The following CDK8 variants were observed in gnomAD, a reference collection of about 807,000 sequenced individuals.
CDK8 encodes the protein cyclin-dependent kinase 8.
Under a neutral mutation model 71.5 loss-of-function variants are expected in CDK8, and 29 were observed. That is an observed-to-expected ratio of 0.41 (90% CI 0.30 to 0.55). CDK8 has a LOEUF of 0.55. Ranked by LOEUF, CDK8 falls within the 20% of genes least tolerant of loss-of-function variation. The pLI is 0.37. For missense variants in CDK8, 288 were observed against 572.6 expected, an observed-to-expected ratio of 0.50 and a Z score of 5.07; for synonymous variants, 161 against 192.1, an observed-to-expected ratio of 0.84 and a Z score of 1.34.
chr13:26,293,833 T>C (rs990658793), intron 1 of CDK8, among the ~76,000 whole-genome samples: 1 of 152,172 alleles, frequency 6.6e-6, no homozygotes, highest in African/African-American at 2.4e-5. Flanking sequence ...ATACGTTTAC[T>C]GTAGTCCATT....
chr13:26,360,063 T>C (rs1226459146), intron 4 of CDK8, among the ~76,000 whole-genome samples: 1 of 152,216 alleles, frequency 6.6e-6, no homozygotes, highest in African/African-American at 2.4e-5. Flanking sequence ...AAACTATTTT[T>C]TATAAAACTT....
chr13:26,282,113 A>G (rs1366369591), intron 1 of CDK8, among the ~76,000 whole-genome samples: 1 of 152,114 alleles, frequency 6.6e-6, no homozygotes, highest in Non-Finnish European at 1.5e-5. Context: ...CCTGAGGAAG[A>G]TGAGAAATAT....
intron 1 of CDK8, among the ~76,000 whole-genome samples, chr13:26,275,014 T>G (rs180798103): frequency 3.0e-4 from 45 of 152,282 alleles, no homozygotes; most frequent in Non-Finnish European, 3.4e-4. Context: ...TAACTTTAAT[T>G]TTTCTACTCC....
chr13:26,309,341 G>A (rs1175713), intron 1 of CDK8, among the ~76,000 whole-genome samples: 196 of 152,004 alleles, frequency 1.3e-3, no homozygotes, highest in East Asian at 6.6e-3. Context: ...GGGTTTCACC[G>A]TGTTAGCTAG....
chr13:26,404,337 A>G lies in CDK8; in HGVS notation c.*256A>G, dbSNP rs1482876908. On this transcript the variant is annotated 3_prime_UTR_variant, in exon 13 of 13. Transcript: ENST00000381527. ...TTGCTACTTCCATAGTTTACTTGACATGGTTCAGACTGACCAATGCATTTT... is the reference window on the plus strand; with the variant it reads ...TTGCTACTTCCATAGTTTACTTGACGTGGTTCAGACTGACCAATGCATTTT... 7.4e-6 allele frequency: 3 copies of G among 407,062 alleles called. No homozygotes were observed. Among genetic ancestry groups the G allele is most frequent in the Admixed American group, 4.1e-5 (1 of 24,528 alleles). The allele number at this position is 407,062 out of a possible 1,614,324, so 25.2% of individuals were successfully genotyped here. A position where few individuals can be genotyped will look rare whatever the true frequency, so the allele number is the denominator to read the frequency against.
At chr13:26,399,899 T>G (rs1478727770) in intron 9 of CDK8, among the ~76,000 whole-genome samples, 1 of 152,268 alleles carries the variant, frequency 6.6e-6, no homozygotes, top group Non-Finnish European at 1.5e-5. Context: ...CTTTGTAAGT[T>G]GTGTATCACC....
chr13:26,314,905 T>G (rs116469833), intron 1 of CDK8, among the ~76,000 whole-genome samples: 282 of 152,266 alleles, frequency 1.9e-3, no homozygotes, highest in African/African-American at 6.4e-3. Context: ...TTAGAAGTAT[T>G]TAGTTCTTTA....
intron 1 of CDK8, among the ~76,000 whole-genome samples, chr13:26,280,669 C>G (rs1189358397): frequency 2.6e-5 from 4 of 152,214 alleles, no homozygotes; most frequent in African/African-American, 9.6e-5. Context: ...ACTGTGTTGT[C>G]TACCTTTTCC....
At chr13:26,265,092 A>T (rs1304080639) in intron 1 of CDK8, among the ~76,000 whole-genome samples, 2 of 152,156 alleles carry the variant, frequency 1.3e-5, no homozygotes, top group Non-Finnish European at 2.9e-5. Context: ...GGGTAGAGAT[A>T]CCCAGTATCT....
Position 26,337,563 on chromosome 13 carries a change from A to G in CDK8, c.129-4A>G, listed in dbSNP as rs1873046933. 9 of 1,366,330 alleles carry G rather than the reference A, an allele frequency of 6.6e-6. No individual in the cohort carries two copies. The highest frequency in any genetic ancestry group is 1.8e-5 in the South Asian group (1 of 56,692). The allele number at this position is 1,366,330 out of a possible 1,614,324, so 84.6% of individuals were successfully genotyped here. A position where few individuals can be genotyped will look rare whatever the true frequency, so the allele number is the denominator to read the frequency against. ...TATATATTAAAATAACTTTGTTTTT[A>G]CAGGAAGGATGATAAAGACTATGCT... On this transcript the variant is annotated splice_polypyrimidine_tract_variant and splice_region_variant and intron_variant, in intron 1 of 12. Coordinates refer to ENST00000381527, the MANE Select transcript of CDK8 (RefSeq NM_001260.3).
chr13:26,298,378 A>C (rs1873662710), intron 1 of CDK8, among the ~76,000 whole-genome samples: 1 of 152,142 alleles, frequency 6.6e-6, no homozygotes, highest in Non-Finnish European at 1.5e-5. Context: ...AAGAGACTCT[A>C]CCTTTGCTCA....
At chr13:26,281,736 A>T (rs534100073) in intron 1 of CDK8, among the ~76,000 whole-genome samples, 8 of 146,960 alleles carry the variant, frequency 5.4e-5, no homozygotes, top group Non-Finnish European at 1.2e-4. Flanking sequence ...TAAAGAAATT[A>T]AAAAAAAATA....
intron 7 of CDK8, among the ~76,000 whole-genome samples, chr13:26,395,155 A>C (rs1875924211): frequency 6.6e-6 from 1 of 152,224 alleles, no homozygotes; most frequent in Non-Finnish European, 1.5e-5. Context: ...TATTTTTACA[A>C]GTAAGTTCAA....
At chr13:26,326,611 C>T (rs569268782) in intron 1 of CDK8, among the ~76,000 whole-genome samples, 7 of 152,160 alleles carry the variant, frequency 4.6e-5, no homozygotes, top group Non-Finnish European at 7.3e-5. Context: ...TCATCTTCTT[C>T]TGGAAGATTC....
chr13:26,381,552 C>G (rs1051419302), intron 4 of CDK8, among the ~76,000 whole-genome samples: 1 of 152,036 alleles, frequency 6.6e-6, no homozygotes, highest in African/African-American at 2.4e-5. Flanking sequence ...CCAAAAACTG[C>G]TGCATAAAAT....
chr13:26,381,928 A>G (rs746331176), intron 4 of CDK8, among the ~76,000 whole-genome samples: 2 of 152,316 alleles, frequency 1.3e-5, no homozygotes, highest in East Asian at 1.9e-4. Context: ...AAAGTGATTT[A>G]TGTCAGTATC....
intron 1 of CDK8, among the ~76,000 whole-genome samples, chr13:26,298,290 G>A (rs2137912180): frequency 1.3e-5 from 2 of 152,094 alleles, no homozygotes; most frequent in South Asian, 4.2e-4. Context: ...AGTAATTATT[G>A]GGGAATGGTT....
intron 6 of CDK8, among the ~76,000 whole-genome samples, chr13:26,387,195 A>G (rs1875520264): frequency 2.0e-5 from 3 of 152,212 alleles, no homozygotes; most frequent in Admixed American, 1.3e-4. Flanking sequence ...CTGTGAAGAC[A>G]ATGATAACAT....
At chr13:26,385,949 C>A (rs1320589992) in intron 6 of CDK8, among the ~76,000 whole-genome samples, 1 of 151,900 alleles carries the variant, frequency 6.6e-6, no homozygotes, top group East Asian at 1.9e-4. Flanking sequence ...TTTTGAAGTC[C>A]TTTAACTTAA....
Sources: gnomAD v4.1 joint callset for allele counts (sites outside exome capture counted in the v4.1 genomes callset) on GRCh38, gnomAD v4.1.1 for gene constraint, MANE v1.5 for transcripts, NCBI Gene and HGNC (gene_info 2026-07-23, HGNC 2026-07-21) for gene names.